The following RYR3 variants were observed in gnomAD, a reference collection of about 807,000 sequenced individuals.
The protein encoded by RYR3 is brain ryanodine receptor-calcium release channel.
Under a neutral mutation model 584.3 loss-of-function variants are expected in RYR3, and 207 were observed. That is an observed-to-expected ratio of 0.35 (90% CI 0.32 to 0.40). The LOEUF is 0.40. RYR3 is among the 10% of genes least tolerant of loss of function. The pLI, the probability that RYR3 is intolerant of heterozygous loss-of-function variation, is 1.00. For synonymous variants in RYR3, 2,416 were observed against 2,248.5 expected, an observed-to-expected ratio of 1.07 and a Z score of -2.11; for missense variants, 5,616 against 6,089.2, an observed-to-expected ratio of 0.92 and a Z score of 2.59.
intron 86 of RYR3, among the ~76,000 whole-genome samples, 197 bp downstream of exon 86, chr15:33,831,288 T>C (rs775374187): frequency 8.5e-5 from 13 of 152,292 alleles, no homozygotes; most frequent in Non-Finnish European, 1.6e-4. Flanking sequence ...GTCCCCCCAC[T>C]GGACCTGTTT....
At chr15:33,350,364 C>T (rs1973077705) in intron 1 of RYR3, among the ~76,000 whole-genome samples, 1 of 151,884 alleles carries the variant, frequency 6.6e-6, no homozygotes, top group Non-Finnish European at 1.5e-5. Context: ...GACAGAAAGT[C>T]AACAAGGATA....
chr15:33,453,376 T>C (rs1274798841), intron 1 of RYR3, among the ~76,000 whole-genome samples: 5 of 152,220 alleles, frequency 3.3e-5, no homozygotes, highest in East Asian at 1.9e-4. Context: ...TTGGGGACTT[T>C]TGTGTATTCT....
At chr15:33,704,319 G>C (rs2066528164) in intron 42 of RYR3, among the ~76,000 whole-genome samples, 1 of 151,358 alleles carries the variant, frequency 6.6e-6, no homozygotes, top group Non-Finnish European at 1.5e-5. Flanking sequence ...TCTGCTGAAA[G>C]AAGTCCCAGT....
chr15:33,651,616 CAG>C (rs1282817479), intron 31 of RYR3, among the ~76,000 whole-genome samples: 4 of 152,160 alleles, frequency 2.6e-5, no homozygotes, highest in Non-Finnish European at 5.9e-5. Flanking sequence ...AAGCAACTCT[CAG>C]AGTTTACAGG....
chr15:33,636,397 AG>A lies in RYR3; in HGVS notation c.3404del (p.Ser1135MetfsTer17). The stretch of plus-strand genomic sequence containing the variant: ...CTAGGGCCAGCGTTGGCATCAAGGA[AG>A]TGGGTATTTTGGGCGTACCTGGCAG... ...GNRGQRWHQG[S>X]GYFGRTWQPG... is the part of the protein sequence containing the mutation. On this transcript the variant is annotated frameshift_variant, in exon 27 of 104. Coordinates refer to ENST00000634891, the MANE Select transcript of RYR3 (RefSeq NM_001036.6). LOFTEE classifies it high-confidence loss of function. 1 of 1,613,882 alleles carries A rather than the reference AG, an allele frequency of 6.2e-7. No homozygotes were observed. The highest frequency in any genetic ancestry group is 8.5e-7 in the Non-Finnish European group (1 of 1,179,814).
intron 1 of RYR3, among the ~76,000 whole-genome samples, chr15:33,418,773 G>T (rs2044014208): frequency 6.6e-6 from 1 of 152,086 alleles, no homozygotes; most frequent in Non-Finnish European, 1.5e-5. Context: ...TAAAGCCAAG[G>T]GGACACATTC....
chr15:33,635,610 A>G lies in RYR3; in HGVS notation c.3176-4A>G, dbSNP rs749380323. The G allele has an allele frequency of 3.1e-6, 5 of 1,612,550 alleles. No individual in the cohort carries two copies. The highest frequency in any genetic ancestry group is 2.7e-5 in the African/African-American group (2 of 74,918). On this transcript the variant is annotated splice_region_variant and splice_polypyrimidine_tract_variant and intron_variant, in intron 25 of 103. Transcript: ENST00000634891. ...CCCTCTGTTCGCCTTTCTTCTCACA[A>G]TAGCTGACTCGGCTGTGGAGAAGGT...
At chr15:33,811,772 T>C (rs55771153) in intron 72 of RYR3, among the ~76,000 whole-genome samples, 27,774 of 152,072 alleles carry the variant, frequency 0.18, 4,087 homozygotes, top group African/African-American at 0.41. Context: ...GTTTTAGCAC[T>C]TCCTGCTCTA....
chr15:33,757,674 G>C, intron 60 of RYR3, 78 bp downstream of exon 60: 13 of 1,486,976 alleles, frequency 8.7e-6, no homozygotes, highest in Non-Finnish European at 1.1e-5. Flanking sequence ...GGACTAAAAG[G>C]CGAGTCTTTT....
chr15:33,438,371 C>T (rs531829848), intron 1 of RYR3, among the ~76,000 whole-genome samples: 68 of 152,124 alleles, frequency 4.5e-4, no homozygotes, highest in African/African-American at 1.6e-3. Context: ...TCTATGAGCT[C>T]CTTTTTAAAA....
At chr15:33,717,856 G>A (rs1275618633) in intron 43 of RYR3, among the ~76,000 whole-genome samples, 1 of 152,074 alleles carries the variant, frequency 6.6e-6, no homozygotes, top group Non-Finnish European at 1.5e-5. Context: ...GGACTCAATG[G>A]ATAGTTGAAT....
chr15:33,459,317 C>T lies in RYR3; in HGVS notation c.52-14102C>T, dbSNP rs549604801. On this transcript the variant is annotated intron_variant, in intron 1 of 103. Transcript: ENST00000634891. ...AAATGAGTTATATCCCTTCCTCACC[C>T]GGACAAGCAAGGATTTGTATCCTGG... Among the ~76,000 whole-genome samples, 9 of 152,280 alleles carry T rather than the reference C, an allele frequency of 5.9e-5. No homozygotes were observed. In the South Asian group the frequency reaches 8.3e-4, roughly 14 times the overall value.
chr15:33,460,867 G>A (rs910754445), intron 1 of RYR3, among the ~76,000 whole-genome samples: 1 of 149,298 alleles, frequency 6.7e-6, no homozygotes, highest in African/African-American at 2.5e-5. Flanking sequence ...TGTTTATTCC[G>A]TGATTTTTGA....
rs2041960564 is a variant in RYR3 at position 33,391,000 on chromosome 15, T to C, written c.51+79904T>C. Among the ~76,000 whole-genome samples, 1 of 152,216 alleles carries C rather than the reference T, an allele frequency of 6.6e-6. No homozygotes were observed. The highest frequency in any genetic ancestry group is 6.5e-5 in the Admixed American group (1 of 15,286). Reference sequence around the variant, plus strand: ...CAGCTGTGTATTCTTACTATGTGGCTATAATAAACTCCAGCTTTGAGTACA... The same window carrying C: ...CAGCTGTGTATTCTTACTATGTGGCCATAATAAACTCCAGCTTTGAGTACA... On this transcript the variant is annotated intron_variant, in intron 1 of 103. Transcript: ENST00000634891. The surrounding 1 kb of genome is among the most constrained non-coding windows in gnomAD (Gnocchi z 4.2).
intron 1 of RYR3, among the ~76,000 whole-genome samples, chr15:33,374,582 C>T (rs1279524319): frequency 6.6e-6 from 1 of 152,044 alleles, no homozygotes; most frequent in African/African-American, 2.4e-5. Flanking sequence ...CTCAGCACAC[C>T]AGATCACACT....
At position 33,756,437 on chromosome 15, in the gene RYR3, G is replaced by A. The variant is rs1031951387; in HGVS notation, c.8583+64G>A. On this transcript the variant is annotated intron_variant, in intron 59 of 103. Transcript: ENST00000634891. ...AGGATCTCTACTATTTAGGAAACAG[G>A]TTAAGTGGATCCAGTGAAGATATCT... The A allele has an allele frequency of 2.4e-5, 28 of 1,159,160 alleles. No homozygotes were observed. In the African/African-American group the frequency reaches 4.3e-4, roughly 18 times the overall value. The allele number at this position is 1,159,160 out of a possible 1,614,324, so 71.8% of individuals were successfully genotyped here. A position where few individuals can be genotyped will look rare whatever the true frequency, so the allele number is the denominator to read the frequency against.
chr15:33,854,381 T>A lies in RYR3; in HGVS notation c.13800-8T>A. The stretch of plus-strand genomic sequence containing the variant: ...TTATAAGTTTTAAAATCACTTGTTC[T>A]TCTCTAGGCTAAGTTCCATAGACAT... On this transcript the variant is annotated splice_polypyrimidine_tract_variant and splice_region_variant and intron_variant, in intron 96 of 103. Coordinates refer to ENST00000634891, the MANE Select transcript of RYR3 (RefSeq NM_001036.6). 1 of 1,560,768 alleles carries A rather than the reference T, an allele frequency of 6.4e-7. No individual in the cohort carries two copies. The highest frequency in any genetic ancestry group is 1.4e-5 in the African/African-American group (1 of 73,372).
rs1237694657 is a variant in RYR3, at chr15:33,336,451, AG to A, written c.51+25356del. Among the ~76,000 whole-genome samples the A allele has an allele frequency of 6.0e-4, 14 of 23,460 alleles. 1 individual carries two copies. The highest frequency in any genetic ancestry group is 5.8e-3 in the African/African-American group (12 of 2,086). The allele number at this position is 23,460 out of a possible 152,430, so 15.4% of individuals were successfully genotyped here. Reference sequence around the variant, plus strand: ...GAAAGAAAGAAAGAAAGAGAGAGAGAGAGAGAGAGAGAGAGAGAGAGAGAGA... The same window carrying A: ...GAAAGAAAGAAAGAAAGAGAGAGAGAAGAGAGAGAGAGAGAGAGAGAGAGA... On this transcript the variant is annotated intron_variant, in intron 1 of 103. Coordinates refer to ENST00000634891, the MANE Select transcript of RYR3 (RefSeq NM_001036.6).
intron 1 of RYR3, among the ~76,000 whole-genome samples, chr15:33,347,655 T>G (rs973549908): frequency 4.6e-5 from 7 of 152,020 alleles, no homozygotes; most frequent in South Asian, 2.1e-4. Context: ...CACCGTGTTA[T>G]CCAGGATGGT....
Sources: gnomAD v4.1 joint callset for allele counts (sites outside exome capture counted in the v4.1 genomes callset) on GRCh38, gnomAD v4.1.1 for gene constraint, Gnocchi (gnomAD v3.1) non-coding constraint, MANE v1.5 for transcripts, NCBI Gene and HGNC (gene_info 2026-07-23, HGNC 2026-07-21) for gene names.